The following TAF5L variants were observed in gnomAD, a reference collection of about 807,000 sequenced individuals.
TAF5L encodes TATA-box binding protein associated factor 5 like, also known as TAF5-like RNA polymerase II p300/CBP-associated factor-associated factor 65 kDa subunit 5L.
A neutral mutation model predicts 51.3 loss-of-function variants in TAF5L; 7 were observed. The ratio of observed to expected loss-of-function variants is 0.14; its 90% CI spans 0.08 to 0.26. The LOEUF is 0.26. Ranked by LOEUF, TAF5L falls within the 10% of genes least tolerant of loss-of-function variation. TAF5L has a pLI of 1.00. For synonymous variants in TAF5L, 291 were observed against 308.1 expected (o/e 0.94, Z 0.58); for missense variants, 575 against 758.9 (o/e 0.76, Z 2.85).
At chr1:229,610,299 T>G in intron 2 of TAF5L, 89 bp from the exon 3 acceptor site, 1 of 1,214,502 alleles carries the variant, frequency 8.2e-7, no homozygotes, top group Non-Finnish European at 1.2e-6. Flanking sequence ...AGGAGGGTGT[T>G]GTGCACACAC....
At chr1:229,595,948 A>G (rs1292455309) in intron 4 of TAF5L, among the ~76,000 whole-genome samples, 1 of 152,130 alleles carries the variant, frequency 6.6e-6, no homozygotes, top group South Asian at 2.1e-4. Flanking sequence ...TATAGGCATG[A>G]GCCACCGCGC....
chr1:229,605,504 G>A (rs933290928), intron 3 of TAF5L, among the ~76,000 whole-genome samples: 10 of 152,144 alleles, frequency 6.6e-5, no homozygotes, highest in African/African-American at 2.4e-4. Context: ...CAGGTGCCAA[G>A]TTAATAAGGA....
At position 229,601,703 on chromosome 1, in the gene TAF5L, G is replaced by C. The variant is rs560977525; in HGVS notation, c.972+492C>G. On this transcript the variant is annotated intron_variant, in intron 4 of 4. Transcript: ENST00000258281. ...TCAGAAAGCCAATACCATCCATCCA[G>C]TGTGGTGAGGGTGCAGGGATGCCAG... The C allele has an allele frequency of 7.4e-5, 74 of 996,048 alleles. No individual in the cohort carries two copies. The African/African-American group carries it at 1.3e-3, about 17-fold the overall frequency. 61.7% of individuals were successfully genotyped at this position (996,048 alleles called of 1,614,324 possible).
intron 3 of TAF5L, among the ~76,000 whole-genome samples, chr1:229,604,782 AC>A (rs1367412648): frequency 2.0e-5 from 3 of 152,096 alleles, no homozygotes; most frequent in Non-Finnish European, 2.9e-5. Flanking sequence ...AATACCAGCA[AC>A]CACCATGTGA....
intron 4 of TAF5L, among the ~76,000 whole-genome samples, chr1:229,598,880 A>T (rs1011958825): frequency 6.6e-6 from 1 of 151,782 alleles, no homozygotes; most frequent in African/African-American, 2.4e-5. Context: ...TGTATTTTTC[A>T]TAGAGATGGG....
At chr1:229,605,841 A>G (rs1664575033) in intron 3 of TAF5L, among the ~76,000 whole-genome samples, 1 of 152,194 alleles carries the variant, frequency 6.6e-6, no homozygotes. Flanking sequence ...GCCCGCCCTG[A>G]TTTTGAATGT....
rs1051229257 is a variant in TAF5L at position 229,625,112 on chromosome 1, A to G, written c.-4+773T>C. ...GATCCGCATTACAACGACTTTCACAACTGATGGGAGAACTGCATGTAGCGT... is the reference window on the plus strand; with the variant it reads ...GATCCGCATTACAACGACTTTCACAGCTGATGGGAGAACTGCATGTAGCGT... On this transcript the variant is annotated intron_variant, in intron 1 of 4. Transcript: ENST00000258281. This position sits in a 1 kb window ranked among gnomAD's most constrained non-coding sequence, Gnocchi z 4.0. 2.0e-5 allele frequency among the ~76,000 whole-genome samples: 3 copies of G among 152,164 alleles called. No individual in the cohort carries two copies. The highest frequency in any genetic ancestry group is 4.4e-5 in the Non-Finnish European group (3 of 68,016).
At chr1:229,604,985 T>C (rs948770262) in intron 3 of TAF5L, among the ~76,000 whole-genome samples, 1 of 152,216 alleles carries the variant, frequency 6.6e-6, no homozygotes, top group African/African-American at 2.4e-5. Context: ...TCACCCAGGC[T>C]GGAGTACAGT....
chr1:229,598,373 A>T (rs1348660672), intron 4 of TAF5L, among the ~76,000 whole-genome samples: 1 of 152,238 alleles, frequency 6.6e-6, no homozygotes, highest in Non-Finnish European at 1.5e-5. Flanking sequence ...TTCCCATTGG[A>T]TAGCATTAAT....
intron 1 of TAF5L, among the ~76,000 whole-genome samples, chr1:229,620,781 G>C (rs1309824143): frequency 1.3e-5 from 2 of 152,104 alleles, no homozygotes; most frequent in African/African-American, 4.8e-5. Context: ...TACTATGCTT[G>C]ACTACATAAA....
intron 1 of TAF5L, among the ~76,000 whole-genome samples, chr1:229,616,824 T>C (rs563445716): frequency 6.6e-6 from 1 of 152,324 alleles, no homozygotes; most frequent in East Asian, 1.9e-4. Flanking sequence ...TATATTAAAC[T>C]ATATGCCCAG....
chr1:229,598,272 GAATGA>G (rs1468161830), intron 4 of TAF5L, among the ~76,000 whole-genome samples: 7 of 152,112 alleles, frequency 4.6e-5, no homozygotes, highest in African/African-American at 1.7e-4. Context: ...ATATTAGTTT[GAATGA>G]AATACATCAT....
intron 3 of TAF5L, among the ~76,000 whole-genome samples, chr1:229,604,152 C>T (rs1271483806): frequency 6.8e-6 from 1 of 147,058 alleles, no homozygotes; most frequent in East Asian, 2.0e-4. Flanking sequence ...TGTTTTAAGT[C>T]AGCACTTATG....
At chr1:229,599,093 A>G (rs1157079990) in intron 4 of TAF5L, 2 of 186,634 alleles carry the variant, frequency 1.1e-5, no homozygotes, top group African/African-American at 4.8e-5. Context: ...AGGGCTGCTC[A>G]TACCAAGGTA....
chr1:229,609,248 T>C (rs1233245848), intron 3 of TAF5L, among the ~76,000 whole-genome samples: 1 of 152,208 alleles, frequency 6.6e-6, no homozygotes, highest in Non-Finnish European at 1.5e-5. Flanking sequence ...GCTCTTGTCA[T>C]GGTCATGACT....
rs572198649 is a variant in TAF5L at position 229,601,413 on chromosome 1, C to T, written c.972+782G>A. 3.0e-6 allele frequency: 3 copies of T among 985,344 alleles called. No individual in the cohort carries two copies. The East Asian group carries it at 3.4e-4, about 112-fold the overall frequency. 61.0% of individuals were successfully genotyped at this position (985,344 alleles called of 1,614,324 possible). On this transcript the variant is annotated intron_variant, in intron 4 of 4. Transcript: ENST00000258281. ...ACTTTGGCCCACAGCTTTTTCAGGA[C>T]CACTCTAAAGAAAAGTTAATGCTGT...
chr1:229,595,464 G>C (rs1056753379), intron 4 of TAF5L, among the ~76,000 whole-genome samples: 16 of 152,166 alleles, frequency 1.1e-4, no homozygotes, highest in Admixed American at 1.0e-3. Context: ...ATTTACTTTT[G>C]AATTTACGTG....
chr1:229,624,366 A>G (rs973956917), intron 1 of TAF5L, among the ~76,000 whole-genome samples: 1 of 152,254 alleles, frequency 6.6e-6, no homozygotes, highest in African/African-American at 2.4e-5. Context: ...TAAGGCAGGA[A>G]GAATTTACGA....
chr1:229,616,918 T>A (rs562304123), intron 1 of TAF5L, among the ~76,000 whole-genome samples: 1 of 152,296 alleles, frequency 6.6e-6, no homozygotes, highest in Admixed American at 6.5e-5. Flanking sequence ...ACTAGGTGTG[T>A]GATTGTTAAA....
Sources: gnomAD v4.1 joint callset for allele counts (sites outside exome capture counted in the v4.1 genomes callset) on GRCh38, gnomAD v4.1.1 for gene constraint, Gnocchi (gnomAD v3.1) non-coding constraint, MANE v1.5 for transcripts, NCBI Gene and HGNC (gene_info 2026-07-23, HGNC 2026-07-21) for gene names.